The following KPNB1 variants were observed in gnomAD, a reference collection of about 807,000 sequenced individuals.
KPNB1 encodes the protein importin subunit beta-1.
A neutral mutation model predicts 113.0 loss-of-function variants in KPNB1; 7 were observed. The observed-to-expected ratio is 0.06, with a 90% CI of 0.04 to 0.12. KPNB1 has a LOEUF of 0.12. Among genes scored for constraint, KPNB1 ranks in the 10% least tolerant of loss-of-function variants. The probability of loss-of-function intolerance (pLI) is 1.00; values close to 1 mark genes in which losing one functional copy is unlikely to be tolerated. For synonymous variants in KPNB1, 363 were observed against 378.6 expected, an observed-to-expected ratio of 0.96 and a Z score of 0.48; for missense variants, 400 against 1,054.8, an observed-to-expected ratio of 0.38 and a Z score of 8.60.
rs528228900 is a variant in KPNB1, at chr17:47,673,364, T to C, written c.1696-126T>C. ...GTTTACTCATATATGTGTTACACTATATGTATTATGGGTTTTTTGTTGCTG... is the reference window on the plus strand; with the variant it reads ...GTTTACTCATATATGTGTTACACTACATGTATTATGGGTTTTTTGTTGCTG... On this transcript the variant is annotated intron_variant, in intron 13 of 21. Coordinates refer to ENST00000290158, the MANE Select transcript of KPNB1 (RefSeq NM_002265.6). 150 of 904,698 alleles carry C rather than the reference T, an allele frequency of 1.7e-4. No individual in the cohort carries two copies. The African/African-American group carries it at 2.5e-3, about 15-fold the overall frequency. 56.0% of individuals were successfully genotyped at this position (904,698 alleles called of 1,614,324 possible). A position where few individuals can be genotyped will look rare whatever the true frequency, so the allele number is the denominator to read the frequency against.
chr17:47,650,281 C>T lies in KPNB1; in HGVS notation c.37C>T (p.Pro13Ser), dbSNP rs1915495305. 6.2e-7 allele frequency: 1 copy of T among 1,604,302 alleles called. No individual in the cohort carries two copies. The highest frequency in any genetic ancestry group is 1.3e-5 in the African/African-American group (1 of 74,298). ...LITILEKTVS[P>S]DRLELEAAQK... ...CACCATTCTCGAGAAGACCGTGTCT[C>T]CCGGTAGGACGCAGGAGCCGGGGGT... Residue 13 changes from proline (P) to serine (S), a missense_variant, in exon 1 of 22, where the codon CCC (proline) becomes TCC (serine). This residue lies in a region of KPNB1 where 285 missense variants were observed against 627.0 expected (regional missense o/e 0.45). Coordinates refer to ENST00000290158, the MANE Select transcript of KPNB1 (RefSeq NM_002265.6).
chr17:47,672,457 C>G (rs2030480364), intron 12 of KPNB1, among the ~76,000 whole-genome samples: 1 of 151,096 alleles, frequency 6.6e-6, no homozygotes, highest in Non-Finnish European at 1.5e-5. Flanking sequence ...GGAGTGCGGT[C>G]TCGGCCCACT....
At chr17:47,681,208 TAC>T (rs1480811876) in intron 21 of KPNB1, among the ~76,000 whole-genome samples, 1 of 151,782 alleles carries the variant, frequency 6.6e-6, no homozygotes, top group African/African-American at 2.4e-5. Context: ...TAGCTGGGAT[TAC>T]AGTCACATGC....
At chr17:47,666,816 A>G (rs2030302155) in intron 9 of KPNB1, among the ~76,000 whole-genome samples, 1 of 151,432 alleles carries the variant, frequency 6.6e-6, no homozygotes, top group Non-Finnish European at 1.5e-5. Flanking sequence ...ACGGGGTTTC[A>G]CCATGTTGGC....
At chr17:47,679,729 C>T (rs2030715554) in intron 19 of KPNB1, among the ~76,000 whole-genome samples, 1 of 151,092 alleles carries the variant, frequency 6.6e-6, no homozygotes, top group South Asian at 2.1e-4. Context: ...TGGAATCTTG[C>T]TCTGTCGCCT....
chr17:47,683,158 T>TG lies in KPNB1; in HGVS notation c.*755dup, dbSNP rs2030843806. 6.9e-6 allele frequency: 1 copy of TG among 144,834 alleles called. No individual in the cohort carries two copies. The highest frequency in any genetic ancestry group is 6.9e-5 in the Admixed American group (1 of 14,506). The allele number at this position is 144,834 out of a possible 1,614,324, so 9.0% of individuals were successfully genotyped here. A position where few individuals can be genotyped will look rare whatever the true frequency, so the allele number is the denominator to read the frequency against. On this transcript the variant is annotated 3_prime_UTR_variant, in exon 22 of 22. Transcript: ENST00000290158. Reference sequence around the variant, plus strand: ...GAAAGACGCTCTTTAGGTTTTGTTTTGTTTTTTTTTTTTGGTTTTGTTTTT... The same window carrying TG: ...GAAAGACGCTCTTTAGGTTTTGTTTTGGTTTTTTTTTTTTGGTTTTGTTTTT...
chr17:47,651,180 T>C lies in KPNB1; in HGVS notation c.99+736T>C, dbSNP rs984730778. The C allele has an allele frequency of 7.1e-6, 7 of 983,754 alleles. No individual in the cohort carries two copies. In the African/African-American group the frequency reaches 1.2e-4, roughly 17 times the overall value. The allele number at this position is 983,754 out of a possible 1,614,324, so 60.9% of individuals were successfully genotyped here. On this transcript the variant is annotated intron_variant, in intron 2 of 21. Transcript: ENST00000290158. ...TGAAATCACAGGGGAAAGTTCCTCG[T>C]TTTTCATATTTTAAAATTTAAGGGG...
intron 2 of KPNB1, 86 bp downstream of exon 2, chr17:47,650,530 C>T (rs1446115053): frequency 3.4e-6 from 4 of 1,186,690 alleles, no homozygotes; most frequent in Non-Finnish European, 4.8e-6. Flanking sequence ...GCCCAGGCCT[C>T]GGGAACCTAC....
intron 11 of KPNB1, 45 bp downstream of exon 11, chr17:47,669,914 A>G (rs1289069594): frequency 7.2e-7 from 1 of 1,395,880 alleles, no homozygotes; most frequent in South Asian, 1.2e-5. Flanking sequence ...TGCCTGCGCC[A>G]CTGGCAAGAA....
intron 14 of KPNB1, chr17:47,673,860 C>G: frequency 3.1e-6 from 1 of 319,326 alleles, no homozygotes; most frequent in South Asian, 5.9e-5. Context: ...ACCTCTCTTC[C>G]TCACTCGTTT....
Position 47,664,276 on chromosome 17 carries a change from T to C in KPNB1, c.897+7T>C, listed in dbSNP as rs1482678580. On this transcript the variant is annotated splice_region_variant and intron_variant, in intron 8 of 21. Coordinates refer to ENST00000290158, the MANE Select transcript of KPNB1 (RefSeq NM_002265.6). ...GGCCATTGAAGCTTCAGAGGTGAGC[T>C]GGGGAGAACTATTACTCTGAATACG... 6.5e-7 allele frequency: 1 copy of C among 1,531,888 alleles called. No individual in the cohort carries two copies. The highest frequency in any genetic ancestry group is 1.1e-5 in the South Asian group (1 of 89,362). 94.9% of individuals were successfully genotyped at this position (1,531,888 alleles called of 1,614,324 possible).
intron 9 of KPNB1, among the ~76,000 whole-genome samples, chr17:47,667,971 T>C (rs1485880123): frequency 2.0e-5 from 3 of 152,228 alleles, no homozygotes; most frequent in Non-Finnish European, 2.9e-5. Context: ...TTCATTCTTG[T>C]TGTGTAGTAC....
chr17:47,654,471 G>A (rs1388503566), intron 3 of KPNB1, among the ~76,000 whole-genome samples: 1 of 151,266 alleles, frequency 6.6e-6, no homozygotes, highest in Non-Finnish European at 1.5e-5. Flanking sequence ...TTAAGCCCTC[G>A]GGCATGAGAA....
chr17:47,653,778 G>C (rs758518477), intron 3 of KPNB1, among the ~76,000 whole-genome samples: 5 of 152,200 alleles, frequency 3.3e-5, no homozygotes, highest in Non-Finnish European at 7.3e-5. Context: ...AGTAACTTCT[G>C]TATCTGGTTG....
chr17:47,653,895 A>G (rs1350287370), intron 3 of KPNB1, among the ~76,000 whole-genome samples: 1 of 152,148 alleles, frequency 6.6e-6, no homozygotes, highest in South Asian at 2.1e-4. Context: ...GTTTCTATTC[A>G]TGTTGGTTCT....
In KPNB1 at chr17:47,664,159, A is replaced by G; in HGVS notation, c.787A>G (p.Ile263Val). ...ETYMGPALFAITIEAMKSDID... is the reference protein window; with the variant it reads ...ETYMGPALFAVTIEAMKSDID... ...GGCCTGGGGTGTTTTTCTTCTTAAG[A>G]TCACAATCGAAGCAATGAAAAGTGA... Residue 263 changes from isoleucine (I) to valine (V), a missense_variant and splice_region_variant, in exon 8 of 22, where the codon ATC becomes GTC. Ile to Val is a conservative substitution (Grantham distance 29, BLOSUM62 3). Coordinates refer to ENST00000290158, the MANE Select transcript of KPNB1 (RefSeq NM_002265.6). 6.2e-7 allele frequency: 1 copy of G among 1,608,290 alleles called. No individual in the cohort carries two copies. Among genetic ancestry groups the G allele is most frequent in the Non-Finnish European group, 8.5e-7 (1 of 1,174,842 alleles).
Position 47,683,111 on chromosome 17 carries a change from A to C in KPNB1, c.*707A>C, listed in dbSNP as rs1395504784. 6.8e-6 allele frequency: 1 copy of C among 147,158 alleles called. No homozygotes were observed. Among genetic ancestry groups the C allele is most frequent in the African/African-American group, 2.5e-5 (1 of 39,944 alleles). The allele number at this position is 147,158 out of a possible 1,614,324, so 9.1% of individuals were successfully genotyped here. A position where few individuals can be genotyped will look rare whatever the true frequency, so the allele number is the denominator to read the frequency against. ...GATGTAAAAAAAAAAAAAAAAAAAA[A>C]AAAAAAAACACACACACAGAGGAAA... On this transcript the variant is annotated 3_prime_UTR_variant, in exon 22 of 22. Transcript: ENST00000290158.
chr17:47,677,968 G>T lies in KPNB1; in HGVS notation c.2104-78G>T. On this transcript the variant is annotated intron_variant, in intron 17 of 21. Transcript: ENST00000290158. ...AAATATTTAAAATCAATAGTTGCTTGTTAGAAATGAAATTTTCATGAATCT... is the reference window on the plus strand; with the variant it reads ...AAATATTTAAAATCAATAGTTGCTTTTTAGAAATGAAATTTTCATGAATCT... 4.3e-6 allele frequency: 6 copies of T among 1,407,478 alleles called. No homozygotes were observed. The South Asian group carries it at 7.5e-5, about 18-fold the overall frequency. The allele number at this position is 1,407,478 out of a possible 1,614,324, so 87.2% of individuals were successfully genotyped here.
intron 12 of KPNB1, among the ~76,000 whole-genome samples, chr17:47,671,415 C>A (rs1311798855): frequency 6.6e-6 from 1 of 152,072 alleles, no homozygotes; most frequent in Non-Finnish European, 1.5e-5. Flanking sequence ...TAGAGAGGTT[C>A]CTTCATTTTG....
Sources: allele counts gnomAD v4.1 joint callset (sites outside exome capture counted in the v4.1 genomes callset), GRCh38; gene constraint gnomAD v4.1.1; regional missense constraint gnomAD v4.1.1; transcripts MANE v1.5; gene names NCBI Gene and HGNC (gene_info 2026-07-23, HGNC 2026-07-21).